The following KIF3B variants were observed in gnomAD, a reference collection of about 807,000 sequenced individuals.
KIF3B encodes kinesin family member 3B.
Under a neutral mutation model 74.3 loss-of-function variants are expected in KIF3B, and 38 were observed. The observed-to-expected ratio is 0.51, with a 90% CI of 0.39 to 0.67. The LOEUF is 0.67. Ranked by LOEUF, KIF3B falls within the 30% of genes least tolerant of loss-of-function variation. The pLI, the probability that KIF3B is intolerant of heterozygous loss-of-function variation, is 0.00. For missense variants in KIF3B, 649 were observed against 932.0 expected (o/e 0.70, Z 3.95); for synonymous variants, 326 against 342.5 (o/e 0.95, Z 0.53).
intron 8 of KIF3B, 50 bp from the exon 9 acceptor site, chr20:32,331,173 A>G (rs760981781): frequency 7.5e-7 from 1 of 1,338,584 alleles, no homozygotes; most frequent in South Asian, 1.2e-5. Context: ...CTGATGTGTC[A>G]GGGACAGAGA....
At chr20:32,302,737 G>A (rs1454154408) in intron 1 of KIF3B, among the ~76,000 whole-genome samples, 1 of 152,086 alleles carries the variant, frequency 6.6e-6, no homozygotes, top group African/African-American at 2.4e-5. Flanking sequence ...TCAGGGGCTG[G>A]GATTTTCCCT....
intron 1 of KIF3B, among the ~76,000 whole-genome samples, chr20:32,292,620 C>T (rs2047698167): frequency 6.7e-6 from 1 of 149,606 alleles, no homozygotes; most frequent in Non-Finnish European, 1.5e-5. Flanking sequence ...AAGTCGGGTC[C>T]AGTGGCGCAC....
chr20:32,285,714 C>G (rs1389727830), intron 1 of KIF3B, among the ~76,000 whole-genome samples: 1 of 152,106 alleles, frequency 6.6e-6, no homozygotes, highest in Non-Finnish European at 1.5e-5. Context: ...CCCTTCCAGC[C>G]CTGCCCACAA....
chr20:32,278,374 G>A (rs2047626428), intron 1 of KIF3B, among the ~76,000 whole-genome samples: 1 of 152,156 alleles, frequency 6.6e-6, no homozygotes, highest in South Asian at 2.1e-4. Flanking sequence ...GTGAAATGAG[G>A]TAATAGACTA....
intron 1 of KIF3B, among the ~76,000 whole-genome samples, chr20:32,280,714 C>CAA (rs34366324): frequency 0.016 from 831 of 51,306 alleles, 52 homozygotes; most frequent in East Asian, 0.11. Flanking sequence ...GACTCCGTCT[C>CAA]AAAAAAAAAA....
chr20:32,303,838 A>G (rs912479270), intron 1 of KIF3B, among the ~76,000 whole-genome samples: 4 of 147,206 alleles, frequency 2.7e-5, no homozygotes, highest in African/African-American at 1.0e-4. Flanking sequence ...CTGGGTCACA[A>G]GAGCAAAACT....
intron 1 of KIF3B, among the ~76,000 whole-genome samples, chr20:32,296,401 A>G (rs1358286795): frequency 6.6e-6 from 1 of 152,096 alleles, no homozygotes. Flanking sequence ...CCGGGAGTTC[A>G]AGAACAGCCT....
intron 1 of KIF3B, among the ~76,000 whole-genome samples, chr20:32,303,438 G>T (rs6141665): frequency 0.34 from 52,198 of 151,626 alleles, 10,270 homozygotes; most frequent in East Asian, 0.74. Flanking sequence ...GGTGGCGGGT[G>T]CTTGTGATCC....
intron 1 of KIF3B, among the ~76,000 whole-genome samples, chr20:32,284,241 C>G (rs1235553072): frequency 6.6e-6 from 1 of 152,112 alleles, no homozygotes; most frequent in Non-Finnish European, 1.5e-5. Flanking sequence ...ACCTGGCCAC[C>G]ACTGCTATTT....
intron 1 of KIF3B, among the ~76,000 whole-genome samples, chr20:32,299,000 A>G (rs1379732873): frequency 1.3e-5 from 2 of 152,076 alleles, no homozygotes; most frequent in Admixed American, 6.6e-5. Flanking sequence ...CATAAATGCA[A>G]ATCCATGAGC....
At chr20:32,296,163 C>T (rs868108845) in intron 1 of KIF3B, among the ~76,000 whole-genome samples, 23 of 152,076 alleles carry the variant, frequency 1.5e-4, no homozygotes, top group Admixed American at 3.3e-4. Context: ...ACACCCGGCC[C>T]ATTTTTATTA....
At chr20:32,322,758 T>A (rs60987361) in intron 5 of KIF3B, among the ~76,000 whole-genome samples, 1,011 of 42,594 alleles carry the variant, frequency 0.024, 106 homozygotes, top group African/African-American at 0.12. Flanking sequence ...ATATATATAT[T>A]TATATATATT....
rs377401733 is a variant in KIF3B at position 32,310,387 on chromosome 20, G to C, written c.610G>C (p.Gly204Arg). ...MNVGNQNRSV[G>R]ATNMNEHSSR... ...TGTGGGGAACCAGAACCGTTCTGTC[G>C]GTGCTACCAACATGAACGAGCACAG... is the stretch of plus-strand genomic sequence containing the variant. The change falls in exon 2 of 9, where the codon GGT (glycine) becomes CGT (arginine). Residue 204 changes from glycine to arginine, a missense_variant. By Grantham distance (125) the Gly-to-Arg change is moderately radical (BLOSUM62 -2). Around this residue, in one of 4 missense-constraint regions of KIF3B, gnomAD observed 363 missense variants for 592.8 expected, o/e 0.61. Transcript: ENST00000375712. This position sits in a 1 kb window ranked among gnomAD's most constrained non-coding sequence, Gnocchi z 6.5. 1.2e-6 allele frequency: 2 copies of C among 1,614,150 alleles called. No homozygotes were observed. The highest frequency in any genetic ancestry group is 8.5e-7 in the Non-Finnish European group (1 of 1,180,034).
In KIF3B at chr20:32,310,010, G is replaced by T; in HGVS notation, c.233G>T (p.Arg78Leu). Residue 78 changes from arginine to leucine, a missense_variant, in exon 2 of 9, where the codon CGA becomes CTA. By Grantham distance (102) the Arg-to-Leu change is moderately radical. Around this residue, in one of 4 missense-constraint regions of KIF3B, gnomAD observed 96 missense variants for 119.0 expected, o/e 0.81. Transcript: ENST00000375712. This position sits in a 1 kb window ranked among gnomAD's most constrained non-coding sequence, Gnocchi z 6.5. Reference sequence around the variant, plus strand: ...TTTGAACTGTACGATGAGACGTTCCGACCACTTGTTGACTCTGTCCTGCAA... The same window carrying T: ...TTTGAACTGTACGATGAGACGTTCCTACCACTTGTTGACTCTGTCCTGCAA... ...KQFELYDETF[R>L]PLVDSVLQGF... 2.5e-5 allele frequency: 40 copies of T among 1,614,098 alleles called. No homozygotes were observed. The highest frequency in any genetic ancestry group is 3.2e-5 in the Non-Finnish European group (38 of 1,180,026).
intron 1 of KIF3B, among the ~76,000 whole-genome samples, chr20:32,291,059 T>C (rs558993904): frequency 3.9e-5 from 6 of 151,900 alleles, no homozygotes; most frequent in Non-Finnish European, 5.9e-5. Context: ...CCGAGGTAGC[T>C]AGAGTAGACA....
intron 5 of KIF3B, among the ~76,000 whole-genome samples, chr20:32,318,957 ATCT>A (rs777163118): frequency 9.5e-5 from 14 of 148,032 alleles, no homozygotes; most frequent in Middle Eastern, 3.6e-3. Context: ...ATTTCTCCAC[ATCT>A]TCTTTTTTTT....
intron 1 of KIF3B, among the ~76,000 whole-genome samples, chr20:32,286,593 A>C (rs923469898): frequency 6.6e-6 from 1 of 152,214 alleles, no homozygotes. Flanking sequence ...GATTATAAAA[A>C]TAATAAACTT....
intron 2 of KIF3B, among the ~76,000 whole-genome samples, chr20:32,312,797 G>A (rs1040936177): frequency 1.3e-5 from 2 of 152,180 alleles, no homozygotes; most frequent in African/African-American, 4.8e-5. Flanking sequence ...GTTTGGCACT[G>A]TTAGGTCTTA....
chr20:32,306,394 C>G (rs1301220744), intron 1 of KIF3B, among the ~76,000 whole-genome samples: 1 of 150,404 alleles, frequency 6.6e-6, no homozygotes, highest in Non-Finnish European at 1.5e-5. Context: ...GATTCCGTCT[C>G]AAAGAAAAAA....
Sources: gnomAD v4.1 joint callset for allele counts (sites outside exome capture counted in the v4.1 genomes callset) on GRCh38, gnomAD v4.1.1 for gene constraint, gnomAD v4.1.1 regional missense constraint, Gnocchi (gnomAD v3.1) non-coding constraint, MANE v1.5 for transcripts, NCBI Gene and HGNC (gene_info 2026-07-23, HGNC 2026-07-21) for gene names.